ASPRV1: variants seen among roughly 807,000 people sequenced by gnomAD.
The protein encoded by ASPRV1 is retroviral-like aspartic protease 1.
ASPRV1 carries 7 observed loss-of-function variants against 11.0 expected under a neutral mutation model. The observed-to-expected ratio is 0.64, with a 90% CI of 0.36 to 1.20. The LOEUF (loss-of-function observed/expected upper bound fraction) is 1.20, where lower values mean the gene tolerates loss of function less well. ASPRV1 is among the 50% of genes most tolerant of loss of function. ASPRV1 has a pLI of 0.02. For synonymous variants in ASPRV1, 136 were observed against 138.4 expected, an observed-to-expected ratio of 0.98 and a Z score of 0.12; for missense variants, 299 against 320.0, an observed-to-expected ratio of 0.93 and a Z score of 0.50.
At chr2:69,953,856 C>T in the ASPRV1 span, among the ~76,000 whole-genome samples, 9,896 of 151,382 alleles carry the variant, frequency 0.065, 1,014 homozygotes, top group African/African-American at 0.22. Context: ...TACAGGCACA[C>T]GCCACCATGC....
the ASPRV1 span, chr2:69,937,441 C>T: frequency 6.8e-7 from 1 of 1,473,482 alleles, no homozygotes; most frequent in Non-Finnish European, 8.9e-7. Context: ...GCTCCCCAAC[C>T]CCAGAGCAGG....
the ASPRV1 span, chr2:69,938,375 G>A: frequency 1.0e-5 from 14 of 1,344,510 alleles, no homozygotes; most frequent in Admixed American, 4.0e-5. Context: ...TCCCTTGCAC[G>A]TAAACTTCAG....
chr2:69,944,401 G>A, the ASPRV1 span, among the ~76,000 whole-genome samples: 13 of 152,342 alleles, frequency 8.5e-5, no homozygotes, highest in Non-Finnish European at 1.6e-4. Context: ...GGCTGGGTGC[G>A]CCACTGCAGG....
At chr2:70,066,396 G>A in the ASPRV1 span, among the ~76,000 whole-genome samples, 2 of 151,324 alleles carry the variant, frequency 1.3e-5, no homozygotes, top group African/African-American at 2.4e-5. Context: ...CTGCCACCAC[G>A]CCCAGCTAAT....
At chr2:69,994,971 C>T in the ASPRV1 span, among the ~76,000 whole-genome samples, 7 of 151,636 alleles carry the variant, frequency 4.6e-5, no homozygotes, top group African/African-American at 9.7e-5. Context: ...CGCTGCACTC[C>T]GGCCTGGGTG....
the ASPRV1 span, among the ~76,000 whole-genome samples, chr2:69,952,338 C>T: frequency 2.6e-5 from 4 of 151,992 alleles, no homozygotes; most frequent in African/African-American, 4.8e-5. Flanking sequence ...GGCAAAACCC[C>T]GTCTCTACAA....
At chr2:69,989,855 C>T in the ASPRV1 span, among the ~76,000 whole-genome samples, 2 of 152,240 alleles carry the variant, frequency 1.3e-5, no homozygotes, top group African/African-American at 2.4e-5. Context: ...CTGGTCTCTA[C>T]TCCCCTGGCA....
the ASPRV1 span, among the ~76,000 whole-genome samples, chr2:70,058,341 C>T: frequency 6.6e-6 from 1 of 152,108 alleles, no homozygotes; most frequent in Admixed American, 6.5e-5. Flanking sequence ...CTCCCGGGTT[C>T]ATGCGATTCT....
the ASPRV1 span, among the ~76,000 whole-genome samples, chr2:70,008,248 G>A: frequency 6.6e-6 from 1 of 151,902 alleles, no homozygotes; most frequent in Admixed American, 6.6e-5. Context: ...TTTTTTAAGT[G>A]GCAGAATATG....
chr2:70,032,182 C>T, the ASPRV1 span: 12 of 152,168 alleles, frequency 7.9e-5, no homozygotes, highest in African/African-American at 1.2e-4. Flanking sequence ...TGATCTCTAT[C>T]GTCCTCAAAG....
At chr2:69,956,797 C>T (rs1186526936), downstream of ASPRV1, among the ~76,000 whole-genome samples, 1 of 152,172 alleles carries the variant, frequency 6.6e-6, no homozygotes, top group Non-Finnish European at 1.5e-5. Context: ...GCAACATATG[C>T]CTCCTGATAC....
chr2:70,011,360 G>A, the ASPRV1 span, among the ~76,000 whole-genome samples: 4 of 152,306 alleles, frequency 2.6e-5, no homozygotes, highest in African/African-American at 9.6e-5. Context: ...CAGGGGGCCA[G>A]GGAGAAGACC....
At chr2:69,949,933 A>G in the ASPRV1 span, among the ~76,000 whole-genome samples, 1 of 152,138 alleles carries the variant, frequency 6.6e-6, no homozygotes, top group Non-Finnish European at 1.5e-5. Context: ...CTCTTGCCTC[A>G]GCCTCCCGAG....
chr2:69,996,815 C>T, the ASPRV1 span: 15 of 441,558 alleles, frequency 3.4e-5, no homozygotes, highest in Admixed American at 1.3e-4. Flanking sequence ...TGTCCCTAAC[C>T]GGAGGTGCTG....
chr2:70,079,277 A>G, the ASPRV1 span, among the ~76,000 whole-genome samples: 2 of 152,196 alleles, frequency 1.3e-5, no homozygotes, highest in Non-Finnish European at 2.9e-5. Flanking sequence ...GATCGAATCC[A>G]GCCTCAGCAA....
chr2:70,059,299 T>A, the ASPRV1 span, among the ~76,000 whole-genome samples: 1 of 151,420 alleles, frequency 6.6e-6, no homozygotes, highest in African/African-American at 2.4e-5. Context: ...TTTTTTTTAA[T>A]TATACTTTAA....
the ASPRV1 span, among the ~76,000 whole-genome samples, chr2:70,020,465 G>A: frequency 5.3e-5 from 8 of 152,152 alleles, no homozygotes; most frequent in African/African-American, 9.7e-5. Context: ...GTTGTGGGCC[G>A]GGCACGGTGG....
In ASPRV1 at chr2:69,961,254, C is replaced by A; in HGVS notation, c.183G>T (p.Glu61Asp). Residue 61 changes from glutamate to aspartate, a missense_variant, in exon 1 of 1, where the codon GAG becomes GAT. Physicochemically the swap from Glu to Asp is conservative, Grantham distance 45. Coordinates refer to ENST00000320256, the MANE Select transcript of ASPRV1 (RefSeq NM_152792.4). Reference protein sequence around the residue: ...LRFLKESLRGEALGVYNRLSP... With the variant: ...LRFLKESLRGDALGVYNRLSP... ...TGAGCCTATTGTAGACACCCAGGGC[C>A]TCTCCTCTGAGGGACTCTTTCAGGA... The A allele has an allele frequency of 1.9e-6, 3 of 1,614,124 alleles. No individual in the cohort carries two copies. The highest frequency in any genetic ancestry group is 2.5e-6 in the Non-Finnish European group (3 of 1,180,006).
chr2:69,986,175 C>G, the ASPRV1 span, among the ~76,000 whole-genome samples: 1 of 152,314 alleles, frequency 6.6e-6, no homozygotes, highest in Middle Eastern at 3.4e-3. Context: ...AGCAAGGCGT[C>G]TAATATGAAT....
Sources: allele counts gnomAD v4.1 joint callset (sites outside exome capture counted in the v4.1 genomes callset), GRCh38; gene constraint gnomAD v4.1.1; transcripts MANE v1.5; gene names NCBI Gene and HGNC (gene_info 2026-07-23, HGNC 2026-07-21).